The following BCO1 variants were observed in gnomAD, a reference collection of about 807,000 sequenced individuals.
BCO1 encodes beta-carotene oxygenase 1, also known as beta,beta-carotene 15,15'-dioxygenase.
BCO1 carries 54 observed loss-of-function variants against 56.3 expected under a neutral mutation model. That is an observed-to-expected ratio of 0.96 (90% CI 0.77 to 1.20). The LOEUF (loss-of-function observed/expected upper bound fraction) is 1.20. Among genes scored for constraint, BCO1 ranks in the 50% most tolerant of loss-of-function variants. BCO1 has a pLI of 0.00. For synonymous variants in BCO1, 318 were observed against 266.1 expected (o/e 1.20, Z -1.90); for missense variants, 801 against 690.9 (o/e 1.16, Z -1.79).
intron 8 of BCO1, 64 bp from the exon 9 acceptor site, chr16:81,285,476 G>T: frequency 2.5e-6 from 3 of 1,205,208 alleles, no homozygotes; most frequent in Non-Finnish European, 3.7e-6. Flanking sequence ...CAATCTGACA[G>T]GAAGGGTGGA....
intron 5 of BCO1, 90 bp from the exon 6 acceptor site, chr16:81,267,818 A>G (rs1555505015): frequency 1.8e-6 from 2 of 1,133,052 alleles, no homozygotes; most frequent in Non-Finnish European, 2.6e-6. Flanking sequence ...TTTTTCAGCA[A>G]TCAAGTCAGT....
At chr16:81,289,047 G>A (rs1280704800) in intron 10 of BCO1, among the ~76,000 whole-genome samples, 1 of 152,190 alleles carries the variant, frequency 6.6e-6, no homozygotes, top group Non-Finnish European at 1.5e-5. Flanking sequence ...AGGGAGTATC[G>A]TTGTCTTCAT....
In BCO1 at chr16:81,250,578, C is replaced by CTTTTTTTTTTTTTTTTTTT. The variant is rs530676028; in HGVS notation, c.193+4977_193+4995dup. 7.6e-5 allele frequency among the ~76,000 whole-genome samples: 8 copies of CTTTTTTTTTTTTTTTTTTT among 105,488 alleles called. 1 individual carries two copies. The highest frequency in any genetic ancestry group is 1.9e-4 in the African/African-American group (5 of 26,108). The allele number at this position is 105,488 out of a possible 152,430, so 69.2% of individuals were successfully genotyped here. ...TTGTGTGCCTCCTTTCTCAATAAAG[C>CTTTTTTTTTTTTTTTTTTT]TTTTTTTTTTTTTTTTTTTTGAGAT... On this transcript the variant is annotated intron_variant, in intron 2 of 10. Transcript: ENST00000258168.
At chr16:81,285,030 G>C (rs927366016) in intron 8 of BCO1, among the ~76,000 whole-genome samples, 4 of 151,600 alleles carry the variant, frequency 2.6e-5, no homozygotes, top group African/African-American at 9.7e-5. Flanking sequence ...AGTAGAGGGA[G>C]GGTTTTGCCA....
At chr16:81,250,194 C>T (rs763931044) in intron 2 of BCO1, among the ~76,000 whole-genome samples, 35 of 152,098 alleles carry the variant, frequency 2.3e-4, no homozygotes, top group Admixed American at 3.9e-4. Context: ...AGTCACTTAC[C>T]CAGAAGCACA....
intron 7 of BCO1, among the ~76,000 whole-genome samples, chr16:81,274,163 C>T (rs1014398710): frequency 2.0e-5 from 3 of 152,146 alleles, no homozygotes; most frequent in Admixed American, 6.5e-5. Flanking sequence ...CATACTCCCT[C>T]CCACTGCCAC....
At chr16:81,268,687 G>A (rs1322416545) in intron 6 of BCO1, among the ~76,000 whole-genome samples, 1 of 152,184 alleles carries the variant, frequency 6.6e-6, no homozygotes, top group Non-Finnish European at 1.5e-5. Flanking sequence ...ACATGTATAT[G>A]TGCATGTATG....
At chr16:81,247,176 C>T (rs371680551) in intron 2 of BCO1, among the ~76,000 whole-genome samples, 38 of 152,170 alleles carry the variant, frequency 2.5e-4, no homozygotes, top group Admixed American at 2.0e-4. Flanking sequence ...CCAAATGCTC[C>T]AGGCTTTCCA....
In BCO1 at chr16:81,238,851, T is replaced by G; in HGVS notation, c.-58T>G. 6.7e-7 allele frequency: 1 copy of G among 1,483,640 alleles called. No homozygotes were observed. 91.9% of individuals were successfully genotyped at this position (1,483,640 alleles called of 1,614,324 possible). A position where few individuals can be genotyped will look rare whatever the true frequency, so the allele number is the denominator to read the frequency against. On this transcript the variant is annotated 5_prime_UTR_variant, in exon 1 of 11. Transcript: ENST00000258168. ...CAGGAGGAGGGAGCAGCATCTCCTG[T>G]GAACACAGAGGAGCACCTGTTTGCT...
chr16:81,253,347 A>G (rs1597350986), intron 2 of BCO1, among the ~76,000 whole-genome samples: 1 of 152,240 alleles, frequency 6.6e-6, no homozygotes, highest in South Asian at 2.1e-4. Context: ...CAAGCCTCAA[A>G]TGTCACGTGA....
intron 10 of BCO1, among the ~76,000 whole-genome samples, chr16:81,289,683 C>T (rs910237208): frequency 3.9e-5 from 6 of 152,060 alleles, no homozygotes; most frequent in South Asian, 4.2e-4. Context: ...TACCACTCTT[C>T]GATGCCTGCA....
chr16:81,268,878 A>C (rs1174751291), intron 6 of BCO1, among the ~76,000 whole-genome samples: 1 of 151,332 alleles, frequency 6.6e-6, no homozygotes, highest in Non-Finnish European at 1.5e-5. Context: ...TCCCAGGCTC[A>C]AGTGATCCTC....
At chr16:81,248,477 G>C (rs1337765718) in intron 2 of BCO1, among the ~76,000 whole-genome samples, 3 of 149,104 alleles carry the variant, frequency 2.0e-5, no homozygotes, top group African/African-American at 7.4e-5. Flanking sequence ...TTTTTTGAAT[G>C]TGTACTCTAT....
At chr16:81,242,253 G>A (rs1191906999) in intron 1 of BCO1, among the ~76,000 whole-genome samples, 3 of 142,010 alleles carry the variant, frequency 2.1e-5, no homozygotes, top group African/African-American at 8.0e-5. Flanking sequence ...AGGCAAGAGT[G>A]CAATGGCGCA....
intron 2 of BCO1, among the ~76,000 whole-genome samples, chr16:81,251,169 C>T (rs114195790): frequency 0.015 from 2,229 of 152,128 alleles, 61 homozygotes; most frequent in African/African-American, 0.051. Context: ...GACCAAACAT[C>T]TAACTTAGAG....
chr16:81,280,269 CAAAAAAAAAAAAAAAAAAAAAAA>C lies in BCO1; in HGVS notation c.1102-571_1102-549del, dbSNP rs58607661. Among the ~76,000 whole-genome samples the C allele has an allele frequency of 1.1e-3, 40 of 36,908 alleles. 1 individual carries two copies. The highest frequency in any genetic ancestry group is 3.5e-3 in the East Asian group (3 of 868). 24.2% of individuals were successfully genotyped at this position (36,908 alleles called of 152,430 possible). ...TGGGCAACAGAGTGAGACTCCATCT[CAAAAAAAAAAAAAAAAAAAAAAA>C]AAAAAAAAAAAAAAAATTACACACA... On this transcript the variant is annotated intron_variant, in intron 7 of 10. Coordinates refer to ENST00000258168, the MANE Select transcript of BCO1 (RefSeq NM_017429.3).
At chr16:81,272,738 A>G (rs935586485) in intron 7 of BCO1, among the ~76,000 whole-genome samples, 2 of 152,256 alleles carry the variant, frequency 1.3e-5, no homozygotes, top group African/African-American at 4.8e-5. Flanking sequence ...TTAAATGTTG[A>G]TGGCTTACAT....
chr16:81,275,973 C>G (rs908667682), intron 7 of BCO1, among the ~76,000 whole-genome samples: 4 of 152,304 alleles, frequency 2.6e-5, no homozygotes, highest in South Asian at 2.1e-4. Flanking sequence ...TGGCCCTGCC[C>G]TGGTGCTGCA....
intron 1 of BCO1, among the ~76,000 whole-genome samples, chr16:81,242,919 T>G (rs1905203686): frequency 6.6e-6 from 1 of 152,108 alleles, no homozygotes; most frequent in Non-Finnish European, 1.5e-5. Flanking sequence ...ATCTAGGTTG[T>G]GCGCTCCTTA....
Sources: allele counts gnomAD v4.1 joint callset (sites outside exome capture counted in the v4.1 genomes callset), GRCh38; gene constraint gnomAD v4.1.1; transcripts MANE v1.5; gene names NCBI Gene and HGNC (gene_info 2026-07-23, HGNC 2026-07-21).